SGCZ: variants seen among roughly 807,000 people sequenced by gnomAD.
SGCZ encodes zeta-sarcoglycan.
A neutral mutation model predicts 41.3 loss-of-function variants in SGCZ; 40 were observed. The ratio of observed to expected loss-of-function variants is 0.97; its 90% CI spans 0.75 to 1.26. The LOEUF (loss-of-function observed/expected upper bound fraction) is 1.26, where lower values mean the gene tolerates loss of function less well. Ranked by LOEUF, SGCZ falls within the 50% of genes most tolerant of loss-of-function variation. The probability of loss-of-function intolerance (pLI) is 0.00; values close to 1 mark genes in which losing one functional copy is unlikely to be tolerated. For synonymous variants in SGCZ, 206 were observed against 137.5 expected (o/e 1.50, Z -3.49); for missense variants, 552 against 369.8 (o/e 1.49, Z -4.04).
chr8:14,512,456 T>A (rs2117078594), intron 2 of SGCZ, among the ~76,000 whole-genome samples: 1 of 152,048 alleles, frequency 6.6e-6, no homozygotes, highest in Admixed American at 6.6e-5. Flanking sequence ...ATGCCCCAAA[T>A]CCATTTATTT....
chr8:14,948,926 C>G (rs756311801), intron 1 of SGCZ, among the ~76,000 whole-genome samples: 3 of 151,850 alleles, frequency 2.0e-5, no homozygotes, highest in Non-Finnish European at 2.9e-5. Flanking sequence ...CAGGATTTCT[C>G]CACTTTTTTT....
At chr8:14,132,448 T>G (rs1042636029) in intron 5 of SGCZ, among the ~76,000 whole-genome samples, 2 of 152,224 alleles carry the variant, frequency 1.3e-5, no homozygotes, top group African/African-American at 4.8e-5. Context: ...AAGTCCTTTG[T>G]ACCTAAGACA....
chr8:15,050,273 T>A (rs990059240), intron 1 of SGCZ, among the ~76,000 whole-genome samples: 1 of 152,172 alleles, frequency 6.6e-6, no homozygotes, highest in Non-Finnish European at 1.5e-5. Flanking sequence ...GAGATTTTTA[T>A]AACCCAACTG....
intron 1 of SGCZ, among the ~76,000 whole-genome samples, chr8:15,036,371 C>A (rs77411126): frequency 6.6e-6 from 1 of 151,962 alleles, no homozygotes; most frequent in Admixed American, 6.6e-5. Context: ...CATGGACACA[C>A]AGAGGGGAGT....
intron 1 of SGCZ, among the ~76,000 whole-genome samples, chr8:14,696,829 G>A (rs13365464): frequency 0.02 from 3,037 of 151,698 alleles, 98 homozygotes; most frequent in African/African-American, 0.069. Flanking sequence ...AAGGCAAGCA[G>A]GCAAAAGATG....
intron 1 of SGCZ, among the ~76,000 whole-genome samples, chr8:14,969,850 A>G (rs943626895): frequency 6.6e-6 from 1 of 152,084 alleles, no homozygotes; most frequent in Non-Finnish European, 1.5e-5. Context: ...GTGCAAGTCT[A>G]CGTATGGAGA....
chr8:14,584,221 A>G (rs1294150676), intron 1 of SGCZ, among the ~76,000 whole-genome samples: 1 of 152,178 alleles, frequency 6.6e-6, no homozygotes, highest in Non-Finnish European at 1.5e-5. Context: ...GCATTGAAAG[A>G]CAAGTAAAAT....
intron 2 of SGCZ, among the ~76,000 whole-genome samples, chr8:14,474,521 T>C (rs1801304236): frequency 6.6e-6 from 1 of 152,208 alleles, no homozygotes. Flanking sequence ...TATTCCTCAA[T>C]GTTTAGTCAT....
intron 1 of SGCZ, among the ~76,000 whole-genome samples, chr8:14,840,850 T>C (rs1802879505): frequency 6.6e-6 from 1 of 152,116 alleles, no homozygotes; most frequent in Non-Finnish European, 1.5e-5. Context: ...GATTCATTGA[T>C]GTATAACTTT....
intron 1 of SGCZ, among the ~76,000 whole-genome samples, chr8:14,816,636 G>A (rs189611835): frequency 9.4e-5 from 14 of 149,650 alleles, no homozygotes; most frequent in African/African-American, 3.5e-4. Context: ...TCAGTTGTTG[G>A]ACTCTGAGGT....
chr8:15,010,388 C>T (rs1802781999), intron 1 of SGCZ, among the ~76,000 whole-genome samples: 1 of 152,168 alleles, frequency 6.6e-6, no homozygotes, highest in African/African-American at 2.4e-5. Context: ...CACTTCAAGA[C>T]TTTCAGAGTA....
chr8:14,569,681 G>A (rs1387136837), intron 1 of SGCZ, among the ~76,000 whole-genome samples: 1 of 152,146 alleles, frequency 6.6e-6, no homozygotes, highest in Non-Finnish European at 1.5e-5. Flanking sequence ...AGAATGCCAA[G>A]GAAGGAGGAA....
At chr8:15,111,312 C>T (rs1481270180) in intron 1 of SGCZ, among the ~76,000 whole-genome samples, 1 of 152,156 alleles carries the variant, frequency 6.6e-6, no homozygotes. Flanking sequence ...CCCTACAACC[C>T]TCTCCCGCTT....
chr8:14,914,863 A>G (rs1383048512), intron 1 of SGCZ, among the ~76,000 whole-genome samples: 1 of 152,150 alleles, frequency 6.6e-6, no homozygotes, highest in Non-Finnish European at 1.5e-5. Context: ...CTCACGATGT[A>G]GAAGAGTTTG....
intron 1 of SGCZ, among the ~76,000 whole-genome samples, chr8:14,811,841 A>T (rs1040007708): frequency 1.3e-5 from 2 of 152,058 alleles, no homozygotes; most frequent in Admixed American, 6.6e-5. Flanking sequence ...TGGAAACTGA[A>T]TGTTTTTAGT....
chr8:14,952,725 G>A (rs1203711840), intron 1 of SGCZ, among the ~76,000 whole-genome samples: 1 of 152,036 alleles, frequency 6.6e-6, no homozygotes, highest in Non-Finnish European at 1.5e-5. Flanking sequence ...AGTGGGGCAG[G>A]GACATTGATT....
chr8:15,080,811 C>G (rs746934983), intron 1 of SGCZ, among the ~76,000 whole-genome samples: 8 of 152,022 alleles, frequency 5.3e-5, no homozygotes, highest in African/African-American at 1.2e-4. Flanking sequence ...CCAGGCTGGT[C>G]TCGACCTCTT....
intron 1 of SGCZ, among the ~76,000 whole-genome samples, chr8:14,984,478 T>A (rs1326035039): frequency 6.6e-6 from 1 of 152,100 alleles, no homozygotes; most frequent in African/African-American, 2.4e-5. Flanking sequence ...TATAGATTTT[T>A]TTTCCTCTCT....
chr8:15,020,742 G>A (rs1204304995), intron 1 of SGCZ, among the ~76,000 whole-genome samples: 2 of 152,122 alleles, frequency 1.3e-5, no homozygotes, highest in African/African-American at 2.4e-5. Context: ...AGTTCTTAGC[G>A]AATATGTCTT....
Sources: gnomAD v4.1 joint callset for allele counts (sites outside exome capture counted in the v4.1 genomes callset) on GRCh38, gnomAD v4.1.1 for gene constraint, MANE v1.5 for transcripts, NCBI Gene and HGNC (gene_info 2026-07-23, HGNC 2026-07-21) for gene names.